The following SEMA5A variants were observed in gnomAD, a reference collection of about 807,000 sequenced individuals.
SEMA5A encodes semaphorin 5A, also known as semaphorin-5A.
In SEMA5A, 55 loss-of-function variants were observed where a neutral mutation model predicts 135.5. The observed-to-expected ratio is 0.41, with a 90% CI of 0.33 to 0.51. The LOEUF is 0.51. Among genes scored for constraint, SEMA5A ranks in the 20% least tolerant of loss-of-function variants. The pLI, the probability that SEMA5A is intolerant of heterozygous loss-of-function variation, is 0.37. For missense variants in SEMA5A, 1,290 were observed against 1,419.9 expected (o/e 0.91, Z 1.47); for synonymous variants, 580 against 546.5 (o/e 1.06, Z -0.85).
intron 9 of SEMA5A, among the ~76,000 whole-genome samples, chr5:9,197,785 T>TGTGTA (rs1561011433): frequency 8.5e-6 from 1 of 117,864 alleles, no homozygotes. Context: ...TGTGTGTGTG[T>TGTGTA]TTTAACCCAG....
At position 9,450,776 on chromosome 5, in the gene SEMA5A, G is replaced by A. The variant is rs114514596; in HGVS notation, c.-174-12924C>T. Among the ~76,000 whole-genome samples, 585 of 151,742 alleles carry A rather than the reference G, an allele frequency of 3.9e-3. 5 individuals carry two copies. The highest frequency in any genetic ancestry group is 0.013 in the African/African-American group (536 of 41,380). On this transcript the variant is annotated intron_variant, in intron 1 of 22. Transcript: ENST00000382496. ...CACATCAAAAAAAAAAAAAAGAAAC[G>A]GAAAATAGTTTTAGTTAATTCAGCA...
intron 1 of SEMA5A, among the ~76,000 whole-genome samples, chr5:9,498,939 A>G (rs1313097631): frequency 6.6e-6 from 1 of 152,226 alleles, no homozygotes; most frequent in Non-Finnish European, 1.5e-5. Context: ...CACTCTATCA[A>G]ACAGATATAT....
chr5:9,138,749 C>T (rs1319638096), intron 12 of SEMA5A, among the ~76,000 whole-genome samples: 3 of 152,186 alleles, frequency 2.0e-5, no homozygotes, highest in Non-Finnish European at 2.9e-5. Flanking sequence ...TTTTATCCCT[C>T]ACCCCCTTCC....
intron 2 of SEMA5A, among the ~76,000 whole-genome samples, chr5:9,431,710 CA>C (rs994189458): frequency 3.3e-5 from 5 of 151,638 alleles, no homozygotes; most frequent in Admixed American, 2.0e-4. Context: ...AAAGTTCTGC[CA>C]AAAAAAGAGA....
chr5:9,044,115 G>T (rs1415061697), intron 22 of SEMA5A, among the ~76,000 whole-genome samples: 1 of 152,160 alleles, frequency 6.6e-6, no homozygotes, highest in Non-Finnish European at 1.5e-5. Context: ...AAGGGGAAAA[G>T]TCAATTGGTG....
At chr5:9,128,709 T>C (rs1489100192) in intron 13 of SEMA5A, among the ~76,000 whole-genome samples, 3 of 152,226 alleles carry the variant, frequency 2.0e-5, no homozygotes, top group African/African-American at 7.2e-5. Flanking sequence ...TAAACTAAGA[T>C]TCATATGAAT....
chr5:9,123,111 T>C (rs1054774168), intron 13 of SEMA5A, among the ~76,000 whole-genome samples: 17 of 150,782 alleles, frequency 1.1e-4, no homozygotes, highest in African/African-American at 3.9e-4. Context: ...AAAATTAGCC[T>C]GGCATGGTGG....
At chr5:9,182,039 C>T (rs930596571) in intron 11 of SEMA5A, among the ~76,000 whole-genome samples, 2 of 152,220 alleles carry the variant, frequency 1.3e-5, no homozygotes, top group South Asian at 4.1e-4. Flanking sequence ...TTTCTCTCCG[C>T]ACATTGCACG....
At chr5:9,514,554 T>C (rs545286775) in intron 1 of SEMA5A, among the ~76,000 whole-genome samples, 10 of 152,356 alleles carry the variant, frequency 6.6e-5, no homozygotes, top group African/African-American at 2.4e-4. Context: ...CCATATAACC[T>C]ATGCATATCC....
rs1738360654 is a variant in SEMA5A at position 9,545,790 on chromosome 5, A to C, written c.-381T>G. 6.6e-6 allele frequency: 1 copy of C among 152,428 alleles called. No individual in the cohort carries two copies. The highest frequency in any genetic ancestry group is 2.1e-4 in the South Asian group (1 of 4,832). The allele number at this position is 152,428 out of a possible 1,614,324, so 9.4% of individuals were successfully genotyped here. On this transcript the variant is annotated 5_prime_UTR_variant, in exon 1 of 23. Transcript: ENST00000382496. This position sits in a 1 kb window ranked among gnomAD's most constrained non-coding sequence, Gnocchi z 4.5. ...AGCACGGTCCCCGAGCGCGCGGCCA[A>C]CCGGTGGGTGGGCAGGTTCGCGCCC...
At chr5:9,055,679 C>A (rs961060101) in intron 18 of SEMA5A, among the ~76,000 whole-genome samples, 3 of 152,020 alleles carry the variant, frequency 2.0e-5, no homozygotes, top group African/African-American at 7.2e-5. Context: ...AATATTTGAA[C>A]CCAATTTAGA....
chr5:9,319,545 G>A (rs948802165), intron 4 of SEMA5A, among the ~76,000 whole-genome samples: 40 of 152,216 alleles, frequency 2.6e-4, no homozygotes, highest in African/African-American at 9.6e-4. Context: ...CTTTGCTTCA[G>A]CCTCTAACTG....
intron 5 of SEMA5A, among the ~76,000 whole-genome samples, chr5:9,291,383 G>A (rs1326227997): frequency 6.6e-6 from 1 of 152,104 alleles, no homozygotes; most frequent in Non-Finnish European, 1.5e-5. Flanking sequence ...TAACTCCTTT[G>A]ACCAATAAAA....
chr5:9,195,432 A>G (rs1745337148), intron 10 of SEMA5A, among the ~76,000 whole-genome samples: 1 of 152,200 alleles, frequency 6.6e-6, no homozygotes, highest in South Asian at 2.1e-4. Context: ...TTGGCCTCAC[A>G]AAGCACTGTG....
intron 3 of SEMA5A, among the ~76,000 whole-genome samples, chr5:9,351,777 C>CA (rs1186423970): frequency 6.6e-6 from 1 of 152,184 alleles, no homozygotes; most frequent in Non-Finnish European, 1.5e-5. Context: ...ATGGTGTCCC[C>CA]ATGGACTTCC....
At chr5:9,165,061 C>T (rs143971441) in intron 11 of SEMA5A, among the ~76,000 whole-genome samples, 4 of 152,114 alleles carry the variant, frequency 2.6e-5, no homozygotes, top group Non-Finnish European at 5.9e-5. Flanking sequence ...ACAGTATTTA[C>T]GTGAAAGTCC....
chr5:9,278,756 G>T (rs1403614542), intron 5 of SEMA5A, among the ~76,000 whole-genome samples: 1 of 152,242 alleles, frequency 6.6e-6, no homozygotes, highest in Non-Finnish European at 1.5e-5. Context: ...GCTTCAGAGG[G>T]TGCAAGCCCC....
At chr5:9,264,680 G>A (rs770771446) in intron 5 of SEMA5A, among the ~76,000 whole-genome samples, 11 of 152,068 alleles carry the variant, frequency 7.2e-5, no homozygotes, top group African/African-American at 1.2e-4. Context: ...GGTCACCAGC[G>A]GGTTAATGTT....
chr5:9,446,230 A>C (rs533498397), intron 1 of SEMA5A, among the ~76,000 whole-genome samples: 2 of 152,320 alleles, frequency 1.3e-5, no homozygotes, highest in South Asian at 2.1e-4. Context: ...CAGTAACGGA[A>C]ATAAAGCTGG....
Sources: gnomAD v4.1 joint callset for allele counts (sites outside exome capture counted in the v4.1 genomes callset) on GRCh38, gnomAD v4.1.1 for gene constraint, Gnocchi (gnomAD v3.1) non-coding constraint, MANE v1.5 for transcripts, NCBI Gene and HGNC (gene_info 2026-07-23, HGNC 2026-07-21) for gene names.